Variants in DNAH14 observed in about 807,000 individuals in gnomAD.
The protein encoded by DNAH14 is dynein axonemal heavy chain 14, also known as axonemal beta dynein heavy chain 14.
A neutral mutation model predicts 520.9 loss-of-function variants in DNAH14; 478 were observed. The observed-to-expected ratio is 0.92, with a 90% CI of 0.85 to 0.99. The LOEUF (loss-of-function observed/expected upper bound fraction) is 0.99. DNAH14 is among the 50% of genes least tolerant of loss of function. The probability of loss-of-function intolerance (pLI) is 0.00; values close to 1 mark genes in which losing one functional copy is unlikely to be tolerated. For missense variants in DNAH14, 4,831 were observed against 5,234.5 expected (o/e 0.92, Z 2.38); for synonymous variants, 1,581 against 1,757.2 (o/e 0.90, Z 2.51).
intron 77 of DNAH14, among the ~76,000 whole-genome samples, chr1:225,374,039 G>A: frequency 6.9e-6 from 1 of 144,494 alleles, no homozygotes. Flanking sequence ...AGCTGGAGAG[G>A]TCAAGGATGT....
rs146349469 is a variant in DNAH14, at chr1:225,365,486, TG to T, written c.12090+595del. ...CACTACCAGCTTTCACAGAAGTGGG[TG>T]GGCATGGAGAAAATCAGGTGGATGA... On this transcript the variant is annotated intron_variant, in intron 76 of 85. Coordinates refer to ENST00000682510, the MANE Select transcript of DNAH14 (RefSeq NM_001367479.1). 2.0e-4 allele frequency among the ~76,000 whole-genome samples: 30 copies of T among 152,208 alleles called. No homozygotes were observed. In the East Asian group the frequency reaches 5.6e-3, roughly 28 times the overall value.
intron 82 of DNAH14, 34 bp downstream of exon 82, chr1:225,388,525 A>AT: frequency 7.6e-7 from 1 of 1,309,102 alleles, no homozygotes; most frequent in Non-Finnish European, 1.1e-6. Context: ...TTTCTTCCTC[A>AT]TTTTTGCTTA....
chr1:224,979,070 TA>T (rs2062068564), intron 8 of DNAH14, among the ~76,000 whole-genome samples: 1 of 152,140 alleles, frequency 6.6e-6, no homozygotes, highest in African/African-American at 2.4e-5. Context: ...TTATTTGGAT[TA>T]GGGGTGGGGC....
chr1:225,115,686 G>A (rs1001189405), intron 23 of DNAH14, among the ~76,000 whole-genome samples: 1 of 152,120 alleles, frequency 6.6e-6, no homozygotes, highest in Admixed American at 6.5e-5. Context: ...AATAATAGCC[G>A]GTTTACCAAG....
At chr1:225,143,730 A>T (rs539037534) in intron 28 of DNAH14, among the ~76,000 whole-genome samples, 1 of 152,174 alleles carries the variant, frequency 6.6e-6, no homozygotes, top group Non-Finnish European at 1.5e-5. Flanking sequence ...TTAAAAAAAA[A>T]CATAAAATTC....
chr1:225,219,213 A>C lies in DNAH14; in HGVS notation c.6440-11860A>C, dbSNP rs185950695. Among the ~76,000 whole-genome samples the C allele has an allele frequency of 3.9e-5, 6 of 152,364 alleles. No individual in the cohort carries two copies. The East Asian group carries it at 1.2e-3, about 29-fold the overall frequency. The stretch of plus-strand genomic sequence containing the variant: ...TCACTAAATGCCCACGTCAGAAAGC[A>C]GGAAAGATCTAAAATCAACACCCTA... On this transcript the variant is annotated intron_variant, in intron 41 of 85. Transcript: ENST00000682510.
chr1:225,335,509 A>ATG lies in DNAH14; in HGVS notation c.10081-1756_10081-1755insGT, dbSNP rs1558430835. Among the ~76,000 whole-genome samples the ATG allele has an allele frequency of 1.4e-4, 18 of 132,304 alleles. 1 individual carries two copies. Among genetic ancestry groups the ATG allele is most frequent in the South Asian group, 2.4e-4 (1 of 4,106 alleles). 86.8% of individuals were successfully genotyped at this position (132,304 alleles called of 152,430 possible). On this transcript the variant is annotated intron_variant, in intron 66 of 85. Transcript: ENST00000682510. ...TATACACGTGTGTACATGTACACATATACATATGTACATATATACATATGT... is the reference window on the plus strand; with the variant it reads ...TATACACGTGTGTACATGTACACATATGTACATATGTACATATATACATATGT...
chr1:225,185,474 T>C, intron 37 of DNAH14, 49 bp downstream of exon 37: 1 of 1,458,256 alleles, frequency 6.9e-7, no homozygotes, highest in Non-Finnish European at 9.1e-7. Context: ...CATATCTTAT[T>C]TTACACTTTA....
intron 37 of DNAH14, among the ~76,000 whole-genome samples, chr1:225,190,646 T>C (rs943927537): frequency 2.0e-5 from 3 of 151,980 alleles, no homozygotes; most frequent in Admixed American, 6.6e-5. Flanking sequence ...CCAATTTGAC[T>C]TGTGTACTTA....
chr1:225,272,614 A>T (rs889277921), intron 51 of DNAH14, among the ~76,000 whole-genome samples: 1 of 152,200 alleles, frequency 6.6e-6, no homozygotes, highest in Non-Finnish European at 1.5e-5. Context: ...GAATGTTAAA[A>T]CATATAAACA....
At chr1:225,082,780 C>G (rs2073295439) in intron 20 of DNAH14, 41 bp downstream of exon 20, 2 of 1,481,838 alleles carry the variant, frequency 1.3e-6, no homozygotes, top group African/African-American at 2.8e-5. Flanking sequence ...GTTGAAATAC[C>G]AGATGGGCCA....
chr1:225,301,232 G>A (rs1452482326), intron 56 of DNAH14, among the ~76,000 whole-genome samples: 1 of 151,988 alleles, frequency 6.6e-6, no homozygotes, highest in Non-Finnish European at 1.5e-5. Context: ...AGCCTGTCTG[G>A]CTATCAATGG....
At chr1:225,156,333 C>G (rs1157074653) in intron 34 of DNAH14, among the ~76,000 whole-genome samples, 3 of 152,142 alleles carry the variant, frequency 2.0e-5, no homozygotes, top group African/African-American at 2.4e-5. Flanking sequence ...CTCACAGGAC[C>G]TGCGGCCAGA....
At chr1:225,377,963 G>A (rs931792148) in intron 79 of DNAH14, among the ~76,000 whole-genome samples, 2 of 151,710 alleles carry the variant, frequency 1.3e-5, no homozygotes, top group African/African-American at 4.8e-5. Flanking sequence ...AATAAATATG[G>A]TGAATCTTAA....
intron 57 of DNAH14, 90 bp from the exon 58 acceptor site, chr1:225,304,818 C>T (rs1490060359): frequency 2.6e-6 from 3 of 1,140,842 alleles, no homozygotes; most frequent in East Asian, 2.7e-5. Flanking sequence ...AAATAATAAG[C>T]TATTTTAATT....
intron 1 of DNAH14, among the ~76,000 whole-genome samples, chr1:224,946,801 A>G (rs1383126443): frequency 1.3e-5 from 2 of 148,670 alleles, no homozygotes; most frequent in Non-Finnish European, 1.5e-5. Context: ...GGTGTGAGTC[A>G]GGAAATGAAT....
At chr1:225,335,717 G>GTACATACACATATGTA (rs2094981823) in intron 66 of DNAH14, among the ~76,000 whole-genome samples, 1 of 23,398 alleles carries the variant, frequency 4.3e-5, no homozygotes, top group Non-Finnish European at 7.2e-5. Flanking sequence ...ATGTATATAC[G>GTACATACACATATGTA]CATATATACA....
chr1:225,347,913 A>C (rs1345874681), intron 71 of DNAH14, among the ~76,000 whole-genome samples: 1 of 152,200 alleles, frequency 6.6e-6, no homozygotes, highest in Non-Finnish European at 1.5e-5. Flanking sequence ...GGAATTTTAA[A>C]TAACTGTCAT....
chr1:225,277,582 G>A, intron 54 of DNAH14, 80 bp downstream of exon 54: 1 of 440,068 alleles, frequency 2.3e-6, no homozygotes, highest in Non-Finnish European at 4.7e-6. Context: ...ACTTACAGAA[G>A]TTTTATTTAG....
Sources: allele counts gnomAD v4.1 joint callset (sites outside exome capture counted in the v4.1 genomes callset), GRCh38; gene constraint gnomAD v4.1.1; transcripts MANE v1.5; gene names NCBI Gene and HGNC (gene_info 2026-07-23, HGNC 2026-07-21).